EBF3: variants seen among roughly 807,000 people sequenced by gnomAD.
The protein encoded by EBF3 is EBF transcription factor 3.
Under a neutral mutation model 77.1 loss-of-function variants are expected in EBF3, and 18 were observed. The ratio of observed to expected loss-of-function variants is 0.23; its 90% CI spans 0.16 to 0.35. EBF3 has a LOEUF of 0.35. Ranked by LOEUF, EBF3 falls within the 10% of genes least tolerant of loss-of-function variation. EBF3 has a pLI of 1.00. For synonymous variants in EBF3, 350 were observed against 343.5 expected, an observed-to-expected ratio of 1.02 and a Z score of -0.21; for missense variants, 558 against 860.0, an observed-to-expected ratio of 0.65 and a Z score of 4.39.
At chr10:129,853,892 A>T (rs1426009132) in intron 10 of EBF3, among the ~76,000 whole-genome samples, 2 of 152,250 alleles carry the variant, frequency 1.3e-5, no homozygotes, top group Non-Finnish European at 2.9e-5. Context: ...CTGATAAGTA[A>T]CTAGGTGAAC....
chr10:129,958,817 C>T, intron 5 of EBF3, 117 bp downstream of exon 5: 1 of 1,355,348 alleles, frequency 7.4e-7, no homozygotes, highest in East Asian at 2.9e-5. Context: ...GATTACATTT[C>T]AATCGATGCC....
In EBF3 at chr10:129,842,210, G is replaced by A; in HGVS notation, c.1278C>T (p.Gly426=). ...PRNHNQIPTL[G]NNPAHTGMMG... is the part of the protein sequence containing the mutation. ...TCATGCCCGTGTGTGCAGGGTTGTT[G>A]CCCAGGGTGGGGATCTGGTTGTGAT... The change falls in exon 13 of 17, where the codon GGC becomes GGT. Residue 426 remains glycine, a synonymous_variant. Coordinates refer to ENST00000440978, the MANE Select transcript of EBF3 (RefSeq NM_001375380.1). The surrounding 1 kb of genome is among the most constrained non-coding windows in gnomAD (Gnocchi z 4.4). The A allele has an allele frequency of 6.2e-7, 1 of 1,614,196 alleles. No individual in the cohort carries two copies. Among genetic ancestry groups the A allele is most frequent in the Non-Finnish European group, 8.5e-7 (1 of 1,180,032 alleles).
Position 129,842,367 on chromosome 10 carries a change from C to T in EBF3, c.1195-74G>A. The T allele has an allele frequency of 1.3e-6, 2 of 1,498,584 alleles. No homozygotes were observed. The highest frequency in any genetic ancestry group is 1.4e-5 in the African/African-American group (1 of 71,194). The allele number at this position is 1,498,584 out of a possible 1,614,324, so 92.8% of individuals were successfully genotyped here. The stretch of plus-strand genomic sequence containing the variant: ...AGCTGGCCGCACTCTCGGGGGCCCA[C>T]CATGGTGGCATCCCACTGTCCCTTG... On this transcript the variant is annotated intron_variant, in intron 12 of 16. Coordinates refer to ENST00000440978, the MANE Select transcript of EBF3 (RefSeq NM_001375380.1). This position sits in a 1 kb window ranked among gnomAD's most constrained non-coding sequence, Gnocchi z 4.4.
At chr10:129,852,602 T>C (rs911412710) in intron 10 of EBF3, among the ~76,000 whole-genome samples, 2 of 152,210 alleles carry the variant, frequency 1.3e-5, no homozygotes, top group African/African-American at 4.8e-5. Context: ...TACCCCAAAA[T>C]GTATATGATT....
In EBF3 at chr10:129,837,700, T is replaced by C. The variant is rs1012225952; in HGVS notation, c.*243A>G. ...TTCAGGACTGAGAAATGTGAAAATA[T>C]GAGAAAAGTTCAGTCAATAAAATGG... On this transcript the variant is annotated 3_prime_UTR_variant, in exon 17 of 17. Transcript: ENST00000440978. The C allele has an allele frequency of 6.4e-5, 35 of 550,078 alleles. No individual in the cohort carries two copies. Among genetic ancestry groups the C allele is most frequent in the African/African-American group, 6.1e-4 (32 of 52,380 alleles). 34.1% of individuals were successfully genotyped at this position (550,078 alleles called of 1,614,324 possible).
chr10:129,850,183 T>G (rs1850765943), intron 10 of EBF3, among the ~76,000 whole-genome samples: 1 of 152,218 alleles, frequency 6.6e-6, no homozygotes, highest in African/African-American at 2.4e-5. Context: ...CTAATCACCA[T>G]GACTGTTTGA....
chr10:129,936,738 G>C (rs1346755928), intron 6 of EBF3, among the ~76,000 whole-genome samples: 2 of 147,888 alleles, frequency 1.4e-5, no homozygotes, highest in Non-Finnish European at 3.0e-5. Flanking sequence ...AGGGGGCTAT[G>C]GGGGGACCCT....
In EBF3 at chr10:129,957,240, TAAAG is replaced by T; in HGVS notation, c.554+14_554+17del. 6.3e-7 allele frequency: 1 copy of T among 1,583,500 alleles called. No homozygotes were observed. The highest frequency in any genetic ancestry group is 8.6e-7 in the Non-Finnish European group (1 of 1,164,620). ...GCTGCTGCGGTTTTGTTTTGAAAAA[TAAAG>T]AAGTCATCCTTACCTGTCAATGATT... On this transcript the variant is annotated intron_variant, in intron 6 of 16. Transcript: ENST00000440978.
chr10:129,931,992 T>C (rs1332285075), intron 6 of EBF3, among the ~76,000 whole-genome samples: 1 of 152,142 alleles, frequency 6.6e-6, no homozygotes, highest in Non-Finnish European at 1.5e-5. Context: ...GGCCACAGGC[T>C]ATGTCCAGCC....
At chr10:129,875,683 G>C (rs7907647) in intron 7 of EBF3, among the ~76,000 whole-genome samples, 133,393 of 152,292 alleles carry the variant, frequency 0.88, 58,585 homozygotes, top group African/African-American at 0.91. Flanking sequence ...ATAAGTGCTG[G>C]CCCAGCATCC....
chr10:129,963,252 T>A lies in EBF3; in HGVS notation c.291+115A>T. Reference sequence around the variant, plus strand: ...GCGGCCGCACGTGGCGGCGGCGGGGTGGCCTGGCGGAGCCGAGCCCGCCGC... The same window carrying A: ...GCGGCCGCACGTGGCGGCGGCGGGGAGGCCTGGCGGAGCCGAGCCCGCCGC... On this transcript the variant is annotated intron_variant, in intron 2 of 16. Transcript: ENST00000440978. The surrounding 1 kb of genome is among the most constrained non-coding windows in gnomAD (Gnocchi z 7.1). 1 of 1,411,444 alleles carries A rather than the reference T, an allele frequency of 7.1e-7. No homozygotes were observed. Among genetic ancestry groups the A allele is most frequent in the Non-Finnish European group, 9.3e-7 (1 of 1,074,364 alleles). The allele number at this position is 1,411,444 out of a possible 1,614,324, so 87.4% of individuals were successfully genotyped here. A position where few individuals can be genotyped will look rare whatever the true frequency, so the allele number is the denominator to read the frequency against.
Position 129,864,368 on chromosome 10 carries a change from C to A in EBF3, c.1039+2773G>T, listed in dbSNP as rs78127366. Among the ~76,000 whole-genome samples the A allele has an allele frequency of 6.6e-6, 1 of 152,200 alleles. No homozygotes were observed. Among genetic ancestry groups the A allele is most frequent in the Non-Finnish European group, 1.5e-5 (1 of 68,032 alleles). ...GGCAGCTCCTCCCACCCTACACATCCGCAACTGTCTCCAAATGCACAGCCC... is the reference window on the plus strand; with the variant it reads ...GGCAGCTCCTCCCACCCTACACATCAGCAACTGTCTCCAAATGCACAGCCC... On this transcript the variant is annotated intron_variant, in intron 10 of 16. Coordinates refer to ENST00000440978, the MANE Select transcript of EBF3 (RefSeq NM_001375380.1). This position sits in a 1 kb window ranked among gnomAD's most constrained non-coding sequence, Gnocchi z 4.4.
intron 6 of EBF3, among the ~76,000 whole-genome samples, chr10:129,906,629 G>A (rs1286000260): frequency 3.9e-5 from 6 of 152,116 alleles, no homozygotes; most frequent in Non-Finnish European, 8.8e-5. Flanking sequence ...TTCTAGAAAT[G>A]CCTACAGTTG....
At chr10:129,909,687 C>A (rs1209721295) in intron 6 of EBF3, among the ~76,000 whole-genome samples, 1 of 152,160 alleles carries the variant, frequency 6.6e-6, no homozygotes, top group Non-Finnish European at 1.5e-5. Context: ...ATGCTGGGTG[C>A]CTGCTTGTAC....
intron 6 of EBF3, among the ~76,000 whole-genome samples, chr10:129,908,201 A>G (rs1855277600): frequency 6.6e-6 from 1 of 152,216 alleles, no homozygotes; most frequent in South Asian, 2.1e-4. Context: ...CCCAAAGCAC[A>G]TATTTTATAC....
rs1017151328 is a variant in EBF3 at position 129,841,512 on chromosome 10, G to A, written c.1373-480C>T. Among the ~76,000 whole-genome samples the A allele has an allele frequency of 3.3e-5, 5 of 152,180 alleles. No homozygotes were observed. The highest frequency in any genetic ancestry group is 1.2e-4 in the African/African-American group (5 of 41,440). On this transcript the variant is annotated intron_variant, in intron 13 of 16. Coordinates refer to ENST00000440978, the MANE Select transcript of EBF3 (RefSeq NM_001375380.1). The surrounding 1 kb of genome is among the most constrained non-coding windows in gnomAD (Gnocchi z 4.6). ...CGGGGGACATGGAAGCTTCATTCCT[G>A]CCATGGGAGCTTGTGGATGGACGGG...
chr10:129,861,886 A>G lies in EBF3; in HGVS notation c.1039+5255T>C, dbSNP rs1224778206. 6.6e-6 allele frequency among the ~76,000 whole-genome samples: 1 copy of G among 152,234 alleles called. No homozygotes were observed. Among genetic ancestry groups the G allele is most frequent in the Non-Finnish European group, 1.5e-5 (1 of 68,048 alleles). On this transcript the variant is annotated intron_variant, in intron 10 of 16. Transcript: ENST00000440978. This position sits in a 1 kb window ranked among gnomAD's most constrained non-coding sequence, Gnocchi z 4.3. ...CATCCAAGTAATTTGTTTGAGGAGC[A>G]CCGGCCTGGGAGACAGCAAGCTGGG...
At chr10:129,869,724 G>C (rs1852282203) in intron 8 of EBF3, among the ~76,000 whole-genome samples, 1 of 152,140 alleles carries the variant, frequency 6.6e-6, no homozygotes, top group Admixed American at 6.5e-5. Flanking sequence ...TTTAATGTTG[G>C]ACTAGCGGGG....
In EBF3 at chr10:129,920,403, G is replaced by A. The variant is rs11017017; in HGVS notation, c.554+36855C>T. 8.9e-3 allele frequency among the ~76,000 whole-genome samples: 1,353 copies of A among 151,928 alleles called. 9 individuals are homozygous for A. The highest frequency in any genetic ancestry group is 0.015 in the South Asian group (73 of 4,796). On this transcript the variant is annotated intron_variant, in intron 6 of 16. Transcript: ENST00000440978. ...TGCAGGAGGGCCACAAACCCACCCC[G>A]CTGTGTGATCTAGGGCGAATATCTG...
Sources: allele counts gnomAD v4.1 joint callset (sites outside exome capture counted in the v4.1 genomes callset), GRCh38; gene constraint gnomAD v4.1.1; non-coding constraint Gnocchi (gnomAD v3.1); transcripts MANE v1.5; gene names NCBI Gene and HGNC (gene_info 2026-07-23, HGNC 2026-07-21).